Variants in GALNT16 observed in about 807,000 individuals in gnomAD.
The protein encoded by GALNT16 is UDP-GalNAc:polypeptide N-acetylgalactosaminyltransferase-like protein 1.
In GALNT16, 40 loss-of-function variants were observed where a neutral mutation model predicts 76.1. The ratio of observed to expected loss-of-function variants is 0.53; its 90% CI spans 0.41 to 0.68. The LOEUF is 0.68. GALNT16 is among the 30% of genes least tolerant of loss of function. GALNT16 has a pLI of 0.00. For missense variants in GALNT16, 621 were observed against 731.9 expected (o/e 0.85, Z 1.75); for synonymous variants, 276 against 285.2 (o/e 0.97, Z 0.32).
intron 11 of GALNT16, 101 bp downstream of exon 11, chr14:69,339,720 T>C (rs1594863510): frequency 4.4e-6 from 3 of 682,580 alleles, no homozygotes. Flanking sequence ...ACCCGCCACC[T>C]CCCCAGCCAC....
intron 5 of GALNT16, among the ~76,000 whole-genome samples, chr14:69,326,299 G>A (rs1421773350): frequency 1.3e-5 from 2 of 152,234 alleles, no homozygotes; most frequent in South Asian, 4.1e-4. Context: ...CAAGGTGATT[G>A]TAAGGATTGC....
chr14:69,327,519 T>A (rs1455272051), intron 5 of GALNT16, among the ~76,000 whole-genome samples: 1 of 152,230 alleles, frequency 6.6e-6, no homozygotes, highest in South Asian at 2.1e-4. Flanking sequence ...GTCCCTGGAT[T>A]TGACAACAGT....
At chr14:69,324,496 G>C (rs12896878) in intron 2 of GALNT16, among the ~76,000 whole-genome samples, 196 bp from the exon 3 acceptor site, 54,934 of 151,980 alleles carry the variant, frequency 0.36, 10,918 homozygotes, top group Non-Finnish European at 0.45. Flanking sequence ...AGGACCCCAG[G>C]ATGGGTGGCA....
intron 1 of GALNT16, among the ~76,000 whole-genome samples, chr14:69,314,382 T>G (rs1415151962): frequency 6.6e-6 from 1 of 152,210 alleles, no homozygotes; most frequent in Non-Finnish European, 1.5e-5. Flanking sequence ...CCATGAGAGT[T>G]CAAAGCCCTG....
chr14:69,347,790 C>T, intron 13 of GALNT16, 87 bp from the exon 14 acceptor site: 2 of 1,372,880 alleles, frequency 1.5e-6, no homozygotes, highest in Non-Finnish European at 2.0e-6. Context: ...CAAAAATATG[C>T]CGTGTTTTTG....
the GALNT16 span, among the ~76,000 whole-genome samples, chr14:69,385,287 C>T: frequency 2.6e-5 from 4 of 152,294 alleles, no homozygotes; most frequent in African/African-American, 7.2e-5. Flanking sequence ...CTTTGGAGGA[C>T]ACTTAATGCA....
intron 1 of GALNT16, among the ~76,000 whole-genome samples, chr14:69,302,319 T>C (rs188957278): frequency 8.5e-4 from 129 of 152,298 alleles, no homozygotes; most frequent in Non-Finnish European, 1.7e-3. Context: ...AAATAATAAC[T>C]GTTTTTTTAA....
intron 12 of GALNT16, 133 bp from the exon 13 acceptor site, chr14:69,346,907 C>A: frequency 9.9e-7 from 1 of 1,013,824 alleles, no homozygotes; most frequent in East Asian, 2.4e-5. Context: ...CCCCTGCTGG[C>A]CAGGCTGCTC....
In GALNT16 at chr14:69,352,179, G is replaced by A. The variant is rs2045646189; in HGVS notation, c.*11G>A. 2 of 1,599,484 alleles carry A rather than the reference G, an allele frequency of 1.3e-6. No individual in the cohort carries two copies. Among genetic ancestry groups the A allele is most frequent in the Non-Finnish European group, 8.5e-7 (1 of 1,172,060 alleles). Reference sequence around the variant, plus strand: ...TTGCCACACACATGACGGTAGCCCTGGGGCCTCCTGTACCTTTTGCATGAG... The same window carrying A: ...TTGCCACACACATGACGGTAGCCCTAGGGCCTCCTGTACCTTTTGCATGAG... On this transcript the variant is annotated 3_prime_UTR_variant, in exon 15 of 15. Transcript: ENST00000448469.
chr14:69,301,796 C>A (rs1280821599), intron 1 of GALNT16, among the ~76,000 whole-genome samples: 1 of 152,108 alleles, frequency 6.6e-6, no homozygotes, highest in Non-Finnish European at 1.5e-5. Context: ...TGAGACCAGC[C>A]TGGGCAACAT....
intron 1 of GALNT16, among the ~76,000 whole-genome samples, chr14:69,284,445 G>A (rs1225981513): frequency 6.6e-6 from 1 of 152,176 alleles, no homozygotes; most frequent in Non-Finnish European, 1.5e-5. Flanking sequence ...TGACATTGGG[G>A]AGCCAGGGCC....
chr14:69,338,662 A>G lies in GALNT16; in HGVS notation c.979A>G (p.Arg327Gly). Residue 327 changes from arginine to glycine, a missense_variant, in exon 10 of 15, where the codon AGG becomes GGG. Arg to Gly is a moderately radical substitution (Grantham distance 125). Coordinates refer to ENST00000448469, the MANE Select transcript of GALNT16 (RefSeq NM_001168368.2). ...ACTATTTCCTGCAGAGCTCTCCTTC[A>G]GGGTGTGGATGTGTGGTGGCAGTCT... ...WGGENFELSF[R>G]VWMCGGSLEI... The G allele has an allele frequency of 6.2e-7, 1 of 1,613,480 alleles. No homozygotes were observed. Among genetic ancestry groups the G allele is most frequent in the Non-Finnish European group, 8.5e-7 (1 of 1,179,724 alleles).
At chr14:69,320,971 C>A in intron 2 of GALNT16, 103 bp downstream of exon 2, 2 of 1,168,320 alleles carry the variant, frequency 1.7e-6, no homozygotes, top group Non-Finnish European at 2.5e-6. Context: ...GGATGATTTC[C>A]TCAGACTGTG....
At position 69,338,732 on chromosome 14, in the gene GALNT16, G is replaced by A. The variant is rs370547085; in HGVS notation, c.1049G>A (p.Arg350Gln). 9 of 1,613,670 alleles carry A rather than the reference G, an allele frequency of 5.6e-6. No individual in the cohort carries two copies. The highest frequency in any genetic ancestry group is 4.0e-5 in the African/African-American group (3 of 74,810). ...CSRVGHVFRK[R>Q]HPYNFPEGNA... ...CGGGTGGGCCATGTCTTCAGGAAAC[G>A]GCACCCCTACAACTTCCCTGAGGGT... Residue 350 changes from arginine (R) to glutamine (Q), a missense_variant, in exon 10 of 15, where the codon CGG becomes CAG. Transcript: ENST00000448469.
At chr14:69,345,600 G>A (rs370917574) in intron 12 of GALNT16, among the ~76,000 whole-genome samples, 14 of 151,998 alleles carry the variant, frequency 9.2e-5, no homozygotes, top group African/African-American at 2.9e-4. Context: ...TCCCAGGCCT[G>A]GTGACTCCTT....
chr14:69,275,842 A>G (rs2044464669), intron 1 of GALNT16, among the ~76,000 whole-genome samples: 1 of 152,230 alleles, frequency 6.6e-6, no homozygotes, highest in Non-Finnish European at 1.5e-5. Flanking sequence ...AGACTGGGCT[A>G]TAAAGTGAGA....
chr14:69,321,227 T>C (rs946568057), intron 2 of GALNT16, among the ~76,000 whole-genome samples: 5 of 152,168 alleles, frequency 3.3e-5, no homozygotes, highest in African/African-American at 9.7e-5. Context: ...GCCCTGCACA[T>C]TGCAAACAGT....
In GALNT16 at chr14:69,336,038, C is replaced by T. The variant is rs753174758; in HGVS notation, c.967+2438C>T. Among the ~76,000 whole-genome samples, 4 of 152,150 alleles carry T rather than the reference C, an allele frequency of 2.6e-5. No homozygotes were observed. In the East Asian group the frequency reaches 5.8e-4, roughly 22 times the overall value. On this transcript the variant is annotated intron_variant, in intron 9 of 14. Transcript: ENST00000448469. The stretch of plus-strand genomic sequence containing the variant: ...ACTGGCTACAGGGTATCTGCCTTTC[C>T]CTGCAGCCCCGCAGCCACACCCCTG...
rs1032997299 is a variant in GALNT16 at position 69,335,704 on chromosome 14, T to C, written c.967+2104T>C. On this transcript the variant is annotated intron_variant, in intron 9 of 14. Transcript: ENST00000448469. Reference sequence around the variant, plus strand: ...AAAGAAATGTCTGGGCTAGCTGCAGTGCTCAGACGTTCAGCCGCTGGGACC... The same window carrying C: ...AAAGAAATGTCTGGGCTAGCTGCAGCGCTCAGACGTTCAGCCGCTGGGACC... Among the ~76,000 whole-genome samples the C allele has an allele frequency of 4.6e-5, 7 of 152,328 alleles. No homozygotes were observed. In the East Asian group the frequency reaches 1.3e-3, roughly 29 times the overall value.
Sources: allele counts gnomAD v4.1 joint callset (sites outside exome capture counted in the v4.1 genomes callset), GRCh38; gene constraint gnomAD v4.1.1; transcripts MANE v1.5; gene names NCBI Gene and HGNC (gene_info 2026-07-23, HGNC 2026-07-21).